Variants in TRAPPC9 observed in about 807,000 individuals in gnomAD.
TRAPPC9 encodes trafficking protein particle complex subunit 9.
TRAPPC9 carries 83 observed loss-of-function variants against 124.0 expected under a neutral mutation model. That is an observed-to-expected ratio of 0.67 (90% CI 0.56 to 0.80). The LOEUF (loss-of-function observed/expected upper bound fraction) is 0.80. Ranked by LOEUF, TRAPPC9 falls within the 30% of genes least tolerant of loss-of-function variation. The pLI is 0.00. For missense variants in TRAPPC9, 1,302 were observed against 1,508.3 expected (o/e 0.86, Z 2.27); for synonymous variants, 638 against 617.5 (o/e 1.03, Z -0.49).
chr8:139,951,309 T>G (rs1306003702), intron 19 of TRAPPC9, among the ~76,000 whole-genome samples: 1 of 152,234 alleles, frequency 6.6e-6, no homozygotes, highest in East Asian at 1.9e-4. Context: ...TTGGAGCTAC[T>G]CATTTTTTTC....
In TRAPPC9 at chr8:140,082,920, C is replaced by T. The variant is rs182045454; in HGVS notation, c.2557-58841G>A. 2.8e-3 allele frequency among the ~76,000 whole-genome samples: 433 copies of T among 152,220 alleles called. 4 individuals carry two copies. The highest frequency in any genetic ancestry group is 9.9e-3 in the African/African-American group (412 of 41,522). ...CTTAAAAATGTTCACATTGGCCAGG[C>T]GCGGTGGCTCACGCCTGTAATCCCA... On this transcript the variant is annotated intron_variant, in intron 17 of 22. Coordinates refer to ENST00000438773, the MANE Select transcript of TRAPPC9 (RefSeq NM_001160372.4).
At chr8:140,347,306 G>A (rs1210676037) in intron 9 of TRAPPC9, among the ~76,000 whole-genome samples, 1 of 152,180 alleles carries the variant, frequency 6.6e-6, no homozygotes, top group Non-Finnish European at 1.5e-5. Context: ...TCTGGATCCA[G>A]CAGCAGACAC....
rs1490392413 is a variant in TRAPPC9 at position 140,253,169 on chromosome 8, C to T, written c.2279-240G>A. Among the ~76,000 whole-genome samples the T allele has an allele frequency of 2.6e-5, 4 of 152,154 alleles. No homozygotes were observed. In the East Asian group the frequency reaches 7.7e-4, roughly 29 times the overall value. On this transcript the variant is annotated intron_variant, in intron 15 of 22. Coordinates refer to ENST00000438773, the MANE Select transcript of TRAPPC9 (RefSeq NM_001160372.4). Reference sequence around the variant, plus strand: ...ACTGCTCATCTCTAGAGGCACCGAGCTCAAGCCAAGCCATCTTGACGCCTT... The same window carrying T: ...ACTGCTCATCTCTAGAGGCACCGAGTTCAAGCCAAGCCATCTTGACGCCTT...
At chr8:140,383,639 G>A (rs2068675672) in intron 7 of TRAPPC9, among the ~76,000 whole-genome samples, 1 of 152,180 alleles carries the variant, frequency 6.6e-6, no homozygotes, top group Non-Finnish European at 1.5e-5. Context: ...AATGAACAAA[G>A]CCTCCAAGAA....
At chr8:140,229,562 G>A (rs1052441483) in intron 16 of TRAPPC9, among the ~76,000 whole-genome samples, 8 of 149,468 alleles carry the variant, frequency 5.4e-5, no homozygotes, top group South Asian at 4.3e-4. Flanking sequence ...GTGAGCCACC[G>A]CACCCGGCCT....
intron 21 of TRAPPC9, among the ~76,000 whole-genome samples, chr8:139,832,481 G>A (rs1208745100): frequency 6.6e-6 from 1 of 152,234 alleles, no homozygotes; most frequent in Non-Finnish European, 1.5e-5. Flanking sequence ...GCTGGTGGGG[G>A]TGGGAGACCA....
intron 8 of TRAPPC9, among the ~76,000 whole-genome samples, chr8:140,366,254 G>A (rs184516668): frequency 1.4e-3 from 212 of 151,950 alleles, no homozygotes; most frequent in African/African-American, 4.9e-3. Context: ...CTTTATAATA[G>A]AATGATTTAA....
chr8:140,296,589 GA>G (rs2131800701), intron 11 of TRAPPC9, among the ~76,000 whole-genome samples: 1 of 152,366 alleles, frequency 6.6e-6, no homozygotes, highest in South Asian at 2.1e-4. Flanking sequence ...GATTGAAAAG[GA>G]AAAGCAGAGA....
intron 19 of TRAPPC9, chr8:139,932,402 G>C (rs1833219700): frequency 4.4e-6 from 2 of 457,900 alleles, no homozygotes; most frequent in Non-Finnish European, 8.8e-6. Context: ...CCACCACGTG[G>C]TATGGCTCCC....
At chr8:140,384,703 C>T (rs2068705873) in intron 7 of TRAPPC9, among the ~76,000 whole-genome samples, 1 of 152,176 alleles carries the variant, frequency 6.6e-6, no homozygotes, top group Non-Finnish European at 1.5e-5. Context: ...GACTTAGACT[C>T]CCACACAGTA....
rs142772763 is a variant in TRAPPC9 at position 140,421,923 on chromosome 8, G to A, written c.886+4692C>T. Among the ~76,000 whole-genome samples the A allele has an allele frequency of 3.0e-3, 359 of 121,628 alleles. 3 individuals carry two copies. The highest frequency in any genetic ancestry group is 0.011 in the African/African-American group (350 of 32,030). The allele number at this position is 121,628 out of a possible 152,430, so 79.8% of individuals were successfully genotyped here. A position where few individuals can be genotyped will look rare whatever the true frequency, so the allele number is the denominator to read the frequency against. On this transcript the variant is annotated intron_variant, in intron 5 of 22. Coordinates refer to ENST00000438773, the MANE Select transcript of TRAPPC9 (RefSeq NM_001160372.4). ...GATAGCAATGATTCTGCCTACATTC[G>A]ACCAAAAATAAACCTACGCCGAACT...
chr8:139,803,773 C>T (rs148519680), intron 21 of TRAPPC9, among the ~76,000 whole-genome samples: 1,625 of 152,304 alleles, frequency 0.011, 29 homozygotes, highest in African/African-American at 0.037. Context: ...AGATGCATCA[C>T]GCTGTCTAGT....
chr8:139,831,697 G>A (rs1443769285), intron 21 of TRAPPC9, among the ~76,000 whole-genome samples: 1 of 152,148 alleles, frequency 6.6e-6, no homozygotes, highest in Non-Finnish European at 1.5e-5. Flanking sequence ...CCCACTGGAT[G>A]GGGGGTCAGG....
At chr8:140,298,808 C>T (rs147494133) in intron 11 of TRAPPC9, among the ~76,000 whole-genome samples, 2 of 152,320 alleles carry the variant, frequency 1.3e-5, no homozygotes, top group East Asian at 3.9e-4. Flanking sequence ...GAATCAGTTT[C>T]CCCGTCAACA....
At chr8:139,762,042 C>G (rs2130361893) in intron 21 of TRAPPC9, among the ~76,000 whole-genome samples, 1 of 151,964 alleles carries the variant, frequency 6.6e-6, no homozygotes, top group East Asian at 2.0e-4. Flanking sequence ...TCTGGGCTCC[C>G]AGGCCCAAGG....
chr8:139,870,957 G>A (rs1587044711), intron 21 of TRAPPC9, among the ~76,000 whole-genome samples: 1 of 152,182 alleles, frequency 6.6e-6, no homozygotes, highest in Non-Finnish European at 1.5e-5. Flanking sequence ...GTGGGGAGTG[G>A]GGCAGTGCTG....
intron 18 of TRAPPC9, among the ~76,000 whole-genome samples, chr8:139,998,919 A>T (rs1415242005): frequency 6.6e-6 from 1 of 152,198 alleles, no homozygotes; most frequent in East Asian, 1.9e-4. Flanking sequence ...TTCTAAGTCA[A>T]CTGTGAAAAC....
At chr8:139,762,695 C>T (rs530992147) in intron 21 of TRAPPC9, among the ~76,000 whole-genome samples, 14 of 152,342 alleles carry the variant, frequency 9.2e-5, no homozygotes, top group Non-Finnish European at 2.1e-4. Context: ...TAATTTAATC[C>T]TCTCCACTGC....
At chr8:140,458,120 T>A (rs113740587), upstream of TRAPPC9, among the ~76,000 whole-genome samples, 1,322 of 37,050 alleles carry the variant, frequency 0.036, 93 homozygotes, top group African/African-American at 0.11. Flanking sequence ...AAAGGAGGGG[T>A]GAAAGGAGGG....
Sources: allele counts gnomAD v4.1 joint callset (sites outside exome capture counted in the v4.1 genomes callset), GRCh38; gene constraint gnomAD v4.1.1; transcripts MANE v1.5; gene names NCBI Gene and HGNC (gene_info 2026-07-23, HGNC 2026-07-21).